The following NCOA3 variants were observed in gnomAD, a reference collection of about 807,000 sequenced individuals.
NCOA3 encodes nuclear receptor coactivator 3, also known as CBP-interacting protein.
A neutral mutation model predicts 158.8 loss-of-function variants in NCOA3; 51 were observed. That is an observed-to-expected ratio of 0.32 (90% confidence interval 0.26 to 0.41). The LOEUF (loss-of-function observed/expected upper bound fraction) is 0.41. Among genes scored for constraint, NCOA3 ranks in the 10% least tolerant of loss-of-function variants. The pLI is 1.00. For synonymous variants in NCOA3, 537 were observed against 592.4 expected, an observed-to-expected ratio of 0.91 and a Z score of 1.36; for missense variants, 1,510 against 1,746.6, an observed-to-expected ratio of 0.86 and a Z score of 2.41.
rs117792747 is a variant in NCOA3, at chr20:47,610,181, A to G, written c.-19-12048A>G. Among the ~76,000 whole-genome samples, 10 of 152,256 alleles carry G rather than the reference A, an allele frequency of 6.6e-5. 1 individual carries two copies. The East Asian group carries it at 1.4e-3, about 21-fold the overall frequency. On this transcript the variant is annotated intron_variant, in intron 2 of 22. Coordinates refer to ENST00000371998, the MANE Select transcript of NCOA3 (RefSeq NM_181659.3). The stretch of plus-strand genomic sequence containing the variant: ...CTTTAGAGATTTATTTGAAAAGACA[A>G]ATTCTATTATCAGACACATAACTTC...
chr20:47,503,186 C>T (rs2083969424), intron 1 of NCOA3, among the ~76,000 whole-genome samples: 1 of 152,108 alleles, frequency 6.6e-6, no homozygotes, highest in Non-Finnish European at 1.5e-5. Flanking sequence ...TGCCTGGCCT[C>T]GGATCCACCT....
chr20:47,632,316 T>C (rs72645263), intron 8 of NCOA3, among the ~76,000 whole-genome samples: 4,037 of 152,116 alleles, frequency 0.027, 213 homozygotes, highest in African/African-American at 0.093. Flanking sequence ...TCTCTGGGCT[T>C]ATAGCCTTCC....
chr20:47,580,811 T>A (rs527266759), intron 1 of NCOA3, among the ~76,000 whole-genome samples: 1 of 151,826 alleles, frequency 6.6e-6, no homozygotes, highest in Admixed American at 6.6e-5. Flanking sequence ...TTAAAAAACA[T>A]AACATTCGGT....
chr20:47,518,343 C>T (rs2084268215), intron 1 of NCOA3, among the ~76,000 whole-genome samples: 1 of 150,976 alleles, frequency 6.6e-6, no homozygotes, highest in Admixed American at 6.6e-5. Context: ...GAGACCCTGC[C>T]TCAAAATAAA....
intron 1 of NCOA3, among the ~76,000 whole-genome samples, chr20:47,529,436 A>G (rs774920851): frequency 6.6e-6 from 1 of 151,402 alleles, no homozygotes; most frequent in Non-Finnish European, 1.5e-5. Context: ...AACTTTTTTG[A>G]GACAGAGTCT....
Position 47,601,441 on chromosome 20 carries a change from A to G in NCOA3, c.-20+18180A>G, listed in dbSNP as rs369497378. Among the ~76,000 whole-genome samples, 75 of 152,352 alleles carry G rather than the reference A, an allele frequency of 4.9e-4. No homozygotes were observed. In the East Asian group the frequency reaches 0.013, roughly 27 times the overall value. The stretch of plus-strand genomic sequence containing the variant: ...GCGGTTTACTTTCTGCTAAGCTTTC[A>G]GATATAGACATGAAAATCGTTAGAT... On this transcript the variant is annotated intron_variant, in intron 2 of 22. Transcript: ENST00000371998.
intron 2 of NCOA3, among the ~76,000 whole-genome samples, chr20:47,589,772 TAAATTTGGATG>T (rs1006920732): frequency 5.1e-4 from 78 of 152,280 alleles, no homozygotes; most frequent in African/African-American, 1.8e-3. Context: ...GGAATACTTA[TAAATTTGGATG>T]AAGTCATCTC....
At chr20:47,503,463 TC>T (rs1205821028) in intron 1 of NCOA3, among the ~76,000 whole-genome samples, 1 of 152,216 alleles carries the variant, frequency 6.6e-6, no homozygotes, top group Non-Finnish European at 1.5e-5. Context: ...CCCTACAGTT[TC>T]CCCTTCTCAG....
At chr20:47,523,734 C>T (rs2084381956) in intron 1 of NCOA3, among the ~76,000 whole-genome samples, 1 of 152,210 alleles carries the variant, frequency 6.6e-6, no homozygotes, top group Admixed American at 6.5e-5. Context: ...AATAAAAAGT[C>T]CTAGCGGACT....
intron 2 of NCOA3, among the ~76,000 whole-genome samples, chr20:47,612,769 C>T (rs72645224): frequency 2.0e-3 from 300 of 152,176 alleles, no homozygotes; most frequent in African/African-American, 5.0e-3. Context: ...AAGAGTTACC[C>T]GGCTAGTTAG....
At chr20:47,569,785 C>CG in intron 1 of NCOA3, among the ~76,000 whole-genome samples, 1 of 151,996 alleles carries the variant, frequency 6.6e-6, no homozygotes, top group South Asian at 2.1e-4. Flanking sequence ...CCGAGGAGGG[C>CG]GGATCACAAG....
intron 1 of NCOA3, among the ~76,000 whole-genome samples, chr20:47,567,717 A>C (rs1479111611): frequency 1.3e-5 from 2 of 152,066 alleles, no homozygotes; most frequent in Non-Finnish European, 2.9e-5. Context: ...TTACAGGTAC[A>C]TGCTACCGTG....
chr20:47,644,614 A>G (rs1372857420), intron 17 of NCOA3, among the ~76,000 whole-genome samples: 1 of 152,202 alleles, frequency 6.6e-6, no homozygotes, highest in African/African-American at 2.4e-5. Context: ...ACACTTTGCA[A>G]GTGTGAGCAG....
intron 17 of NCOA3, among the ~76,000 whole-genome samples, chr20:47,645,518 A>C (rs1040391897): frequency 3.3e-5 from 5 of 152,174 alleles, no homozygotes; most frequent in Non-Finnish European, 7.3e-5. Flanking sequence ...TCTATTATAA[A>C]TATGGAAATA....
At chr20:47,540,739 T>C (rs2084712251) in intron 1 of NCOA3, among the ~76,000 whole-genome samples, 1 of 152,154 alleles carries the variant, frequency 6.6e-6, no homozygotes, top group Non-Finnish European at 1.5e-5. Flanking sequence ...AGAGAAGATT[T>C]AAATAACATT....
At chr20:47,642,187 G>T in intron 16 of NCOA3, 26 bp from the exon 17 acceptor site, 2 of 1,516,170 alleles carry the variant, frequency 1.3e-6, no homozygotes. Context: ...AAGCACCATT[G>T]ACATTGATTG....
At chr20:47,587,682 A>G (rs1309759718) in intron 2 of NCOA3, among the ~76,000 whole-genome samples, 1 of 151,976 alleles carries the variant, frequency 6.6e-6, no homozygotes, top group East Asian at 1.9e-4. Flanking sequence ...TTTAATTTGT[A>G]TTTTATTGCT....
At chr20:47,633,416 C>T in intron 8 of NCOA3, 80 bp from the exon 9 acceptor site, 1 of 1,301,182 alleles carries the variant, frequency 7.7e-7, no homozygotes. Context: ...TTTTATTCTC[C>T]AGTGCTAAGC....
intron 2 of NCOA3, among the ~76,000 whole-genome samples, chr20:47,600,599 G>A (rs2085845086): frequency 6.7e-6 from 1 of 149,342 alleles, no homozygotes; most frequent in South Asian, 2.1e-4. Flanking sequence ...GCTCACTTCA[G>A]CCTCCGCCTT....
Sources: allele counts gnomAD v4.1 joint callset (sites outside exome capture counted in the v4.1 genomes callset), GRCh38; gene constraint gnomAD v4.1.1; transcripts MANE v1.5; gene names NCBI Gene and HGNC (gene_info 2026-07-23, HGNC 2026-07-21).